Variants in FAM193A observed in about 807,000 individuals in gnomAD.
FAM193A encodes protein FAM193A.
In FAM193A, 22 loss-of-function variants were observed where a neutral mutation model predicts 126.5. The ratio of observed to expected loss-of-function variants is 0.17; its 90% CI spans 0.12 to 0.25. The LOEUF (loss-of-function observed/expected upper bound fraction) is 0.25. Ranked by LOEUF, FAM193A falls within the 10% of genes least tolerant of loss-of-function variation. The pLI is 1.00. For synonymous variants in FAM193A, 761 were observed against 646.8 expected, an observed-to-expected ratio of 1.18 and a Z score of -2.68; for missense variants, 1,675 against 1,672.8, an observed-to-expected ratio of 1.00 and a Z score of -0.02.
intron 19 of FAM193A, among the ~76,000 whole-genome samples, chr4:2,701,259 A>G (rs1222715476): frequency 2.0e-5 from 3 of 147,258 alleles, no homozygotes; most frequent in African/African-American, 7.6e-5. Flanking sequence ...TGTTTCTCCA[A>G]TTGTCCTTTT....
At chr4:2,713,636 C>T (rs1719237390) in intron 19 of FAM193A, among the ~76,000 whole-genome samples, 1 of 152,140 alleles carries the variant, frequency 6.6e-6, no homozygotes, top group African/African-American at 2.4e-5. Flanking sequence ...CCTGTCTCTC[C>T]TCTTCCCATT....
intron 8 of FAM193A, among the ~76,000 whole-genome samples, chr4:2,658,845 G>T (rs1455997327): frequency 6.6e-6 from 1 of 152,178 alleles, no homozygotes; most frequent in Non-Finnish European, 1.5e-5. Context: ...CTGCCTCCCG[G>T]GTTCAAGCGG....
intron 13 of FAM193A, among the ~76,000 whole-genome samples, chr4:2,687,128 T>C (rs767735991): frequency 1.8e-4 from 27 of 152,062 alleles, no homozygotes. Flanking sequence ...GTGGACTCGC[T>C]GAGCTGTCCA....
intron 1 of FAM193A, among the ~76,000 whole-genome samples, chr4:2,573,057 G>A (rs1243682055): frequency 6.6e-6 from 1 of 152,072 alleles, no homozygotes; most frequent in Non-Finnish European, 1.5e-5. Flanking sequence ...TGGGTCTCAT[G>A]CTCTTGAGTT....
chr4:2,631,123 C>G lies in FAM193A; in HGVS notation c.992C>G (p.Ala331Gly). ...TCCCTCCTGCTTGAGGAGTACGGCG[C>G]CCTCTGCCAGGCCGCACGCTCCATC... ...FISLLLEEYG[A>G]LCQAARSIST... Residue 331 changes from alanine (A) to glycine (G), a missense_variant, in exon 5 of 21, where the codon GCC becomes GGC. Coordinates refer to ENST00000637812, the MANE Select transcript of FAM193A (RefSeq NM_001366318.2). 6.2e-7 allele frequency: 1 copy of G among 1,613,524 alleles called. No homozygotes were observed. The highest frequency in any genetic ancestry group is 8.5e-7 in the Non-Finnish European group (1 of 1,179,840).
At chr4:2,643,100 A>G (rs1415865614) in intron 6 of FAM193A, among the ~76,000 whole-genome samples, 2 of 152,098 alleles carry the variant, frequency 1.3e-5, no homozygotes, top group African/African-American at 4.8e-5. Flanking sequence ...GTTGAGGGAG[A>G]AGGATAAACA....
Position 2,700,466 on chromosome 4 carries a change from C to T in FAM193A, c.4294C>T (p.Leu1432=), listed in dbSNP as rs113844274. 1,755 of 1,614,104 alleles carry T rather than the reference C, an allele frequency of 1.1e-3. 14 individuals are homozygous for T. The highest frequency in any genetic ancestry group is 9.8e-3 in the African/African-American group (732 of 75,058). The part of the protein sequence containing the change: ...GEHQQNSKLV[L]AESPQPKGKN... Reference sequence around the variant, plus strand: ...GCATCAGCAGAACAGCAAGCTGGTGCTGGCAGAGTCCCCTCAGCCAAAGGG... The same window carrying T: ...GCATCAGCAGAACAGCAAGCTGGTGTTGGCAGAGTCCCCTCAGCCAAAGGG... Residue 1432 remains leucine (L), a synonymous_variant, in exon 19 of 21, where the codon CTG becomes TTG. Coordinates refer to ENST00000637812, the MANE Select transcript of FAM193A (RefSeq NM_001366318.2).
intron 1 of FAM193A, among the ~76,000 whole-genome samples, chr4:2,581,540 C>T (rs1739942204): frequency 1.3e-5 from 2 of 152,130 alleles, no homozygotes; most frequent in African/African-American, 4.8e-5. Context: ...AGGCGTGAGC[C>T]ACCATGCCCA....
At chr4:2,668,870 T>TG (rs1247703897) in intron 12 of FAM193A, among the ~76,000 whole-genome samples, 3 of 151,658 alleles carry the variant, frequency 2.0e-5, no homozygotes, top group Non-Finnish European at 4.4e-5. Flanking sequence ...TGAGACAGAG[T>TG]CACACTCTGT....
At chr4:2,598,826 C>T (rs1560470370) in intron 2 of FAM193A, among the ~76,000 whole-genome samples, 1 of 152,198 alleles carries the variant, frequency 6.6e-6, no homozygotes, top group Non-Finnish European at 1.5e-5. Flanking sequence ...AGGGGAGTCT[C>T]TCTCTACTTC....
intron 1 of FAM193A, among the ~76,000 whole-genome samples, chr4:2,549,679 A>C (rs1224372319): frequency 6.6e-6 from 1 of 151,368 alleles, no homozygotes; most frequent in African/African-American, 2.4e-5. Flanking sequence ...TACAGGCGTG[A>C]GCCACCGCGC....
chr4:2,646,565 G>A (rs774888920), intron 6 of FAM193A, 120 bp from the exon 7 acceptor site: 4 of 1,089,434 alleles, frequency 3.7e-6, no homozygotes, highest in Non-Finnish European at 5.3e-6. Context: ...GTGGCACCCT[G>A]TTTTCCACGT....
At chr4:2,688,731 G>T (rs1033263779) in intron 13 of FAM193A, among the ~76,000 whole-genome samples, 1 of 152,272 alleles carries the variant, frequency 6.6e-6, no homozygotes, top group African/African-American at 2.4e-5. Flanking sequence ...AAATGTGCAG[G>T]CTGTTGCACT....
At chr4:2,704,179 C>T (rs1577239657) in intron 19 of FAM193A, among the ~76,000 whole-genome samples, 3 of 150,508 alleles carry the variant, frequency 2.0e-5, no homozygotes, top group Admixed American at 1.3e-4. Context: ...AGGATAATTG[C>T]TTGAACTGGG....
intron 20 of FAM193A, among the ~76,000 whole-genome samples, chr4:2,723,314 C>T: frequency 6.8e-6 from 1 of 147,828 alleles, no homozygotes; most frequent in Non-Finnish European, 1.5e-5. Flanking sequence ...CACGGTGGCT[C>T]ATGCCTGTAA....
chr4:2,612,971 A>T (rs773895438), intron 2 of FAM193A, among the ~76,000 whole-genome samples: 1 of 152,242 alleles, frequency 6.6e-6, no homozygotes, highest in Non-Finnish European at 1.5e-5. Flanking sequence ...TTGGGATTTT[A>T]ACTGGCATTG....
intron 12 of FAM193A, among the ~76,000 whole-genome samples, chr4:2,667,235 A>G (rs1284084321): frequency 2.6e-5 from 4 of 152,224 alleles, no homozygotes; most frequent in African/African-American, 9.7e-5. Context: ...CCAGGCTACC[A>G]TGTAAGGACA....
intron 10 of FAM193A, 123 bp downstream of exon 10, chr4:2,660,177 G>A: frequency 1.9e-6 from 2 of 1,071,844 alleles, no homozygotes; most frequent in Non-Finnish European, 2.7e-6. Context: ...AAGGGACCCT[G>A]AGGTTTTTAA....
Position 2,623,014 on chromosome 4 carries a change from C to A in FAM193A, c.502-2248C>A, listed in dbSNP as rs574794269. The stretch of plus-strand genomic sequence containing the variant: ...ACTGTGTGACACAACCAGCCTGCCC[C>A]CAACCCCCTACCACTGCTGTCCCGC... On this transcript the variant is annotated intron_variant, in intron 2 of 20. Transcript: ENST00000637812. Among the ~76,000 whole-genome samples, 8 of 152,188 alleles carry A rather than the reference C, an allele frequency of 5.3e-5. No individual in the cohort carries two copies. In the South Asian group the frequency reaches 1.2e-3, roughly 24 times the overall value.
Sources: gnomAD v4.1 joint callset for allele counts (sites outside exome capture counted in the v4.1 genomes callset) on GRCh38, gnomAD v4.1.1 for gene constraint, MANE v1.5 for transcripts, NCBI Gene and HGNC (gene_info 2026-07-23, HGNC 2026-07-21) for gene names.